ADH7: variants seen among roughly 807,000 people sequenced by gnomAD.
ADH7 encodes alcohol dehydrogenase 7 (class IV), mu or sigma polypeptide.
In ADH7, 41 loss-of-function variants were observed where a neutral mutation model predicts 34.4. The observed-to-expected ratio is 1.19, with a 90% confidence interval of 0.93 to 1.55. The LOEUF is 1.55. Ranked by LOEUF, ADH7 falls within the 40% of genes most tolerant of loss-of-function variation. The pLI, the probability that ADH7 is intolerant of heterozygous loss-of-function variation, is 0.00. For synonymous variants in ADH7, 180 were observed against 160.9 expected, an observed-to-expected ratio of 1.12 and a Z score of -0.90; for missense variants, 540 against 461.2, an observed-to-expected ratio of 1.17 and a Z score of -1.56.
At chr4:99,428,041 A>G in intron 4 of ADH7, 46 bp downstream of exon 4, 1 of 1,612,798 alleles carries the variant, frequency 6.2e-7, no homozygotes, top group Non-Finnish European at 8.5e-7. Flanking sequence ...AAAAATTAGC[A>G]TAGGAAAAAT....
intron 5 of ADH7, among the ~76,000 whole-genome samples, chr4:99,425,787 A>C (rs1232282189): frequency 6.6e-6 from 1 of 152,174 alleles, no homozygotes; most frequent in African/African-American, 2.4e-5. Flanking sequence ...CACCTATTCC[A>C]AAATTGACCA....
chr4:99,428,499 C>A lies in ADH7; in HGVS notation c.252G>T (p.Val84=). The change falls in exon 3 of 9, where the codon GTG becomes GTT. Residue 84 remains valine, a synonymous_variant. Coordinates refer to ENST00000437033, the MANE Select transcript of ADH7 (RefSeq NM_000673.7). The part of the protein sequence containing the change: ...VESIGEGVTT[V]KPGDKVIPLF... ...TTTGACACCTGCATATACCTGGTTT[C>A]ACTGTAGTCACTCCTTCTCCAATGC... The A allele has an allele frequency of 4.3e-6, 7 of 1,611,792 alleles. No homozygotes were observed. The highest frequency in any genetic ancestry group is 5.9e-6 in the Non-Finnish European group (7 of 1,179,422).
intron 1 of ADH7, 158 bp downstream of exon 1, chr4:99,435,058 A>G (rs1388743937): frequency 6.5e-7 from 1 of 1,545,204 alleles, no homozygotes; most frequent in Non-Finnish European, 8.7e-7. Context: ...CTGAAACACC[A>G]TATCCAGTGT....
At position 99,419,105 on chromosome 4, in the gene ADH7, G is replaced by A. The variant is rs367823526; in HGVS notation, c.842C>T (p.Ser281Phe). The change falls in exon 7 of 9, where the codon TCC becomes TTC. Residue 281 changes from serine (S) to phenylalanine (F), a missense_variant. Physicochemically the swap from Ser to Phe is radical, Grantham distance 155 (BLOSUM62 -2). Coordinates refer to ENST00000437033, the MANE Select transcript of ADH7 (RefSeq NM_000673.7). The stretch of plus-strand genomic sequence containing the variant: ...GCTGGTCCCATAGTTCATGTGGCAG[G>A]ATGCCAGGGCATCAATCTGAGTTTA... ...HLETMIDALASCHMNYGTSVV... is the reference protein window; with the variant it reads ...HLETMIDALAFCHMNYGTSVV... 2 of 1,613,504 alleles carry A rather than the reference G, an allele frequency of 1.2e-6. No individual in the cohort carries two copies. Among genetic ancestry groups the A allele is most frequent in the African/African-American group, 2.7e-5 (2 of 74,906 alleles).
intron 7 of ADH7, among the ~76,000 whole-genome samples, chr4:99,418,584 T>C (rs1179595570): frequency 2.0e-5 from 3 of 152,162 alleles, no homozygotes; most frequent in Non-Finnish European, 2.9e-5. Flanking sequence ...CTTTTGTTGT[T>C]GTTGTTGGTT....
chr4:99,431,041 G>C (rs566137408), intron 1 of ADH7, among the ~76,000 whole-genome samples: 11 of 152,118 alleles, frequency 7.2e-5, no homozygotes, highest in South Asian at 4.1e-4. Flanking sequence ...CTTGTTATCT[G>C]CCCTCCTCGG....
chr4:99,420,309 A>G (rs1696107397), intron 6 of ADH7, among the ~76,000 whole-genome samples: 2 of 152,168 alleles, frequency 1.3e-5, no homozygotes, highest in Admixed American at 6.5e-5. Context: ...GTCAGCTGAG[A>G]GTGGTATGAT....
intron 5 of ADH7, among the ~76,000 whole-genome samples, chr4:99,421,021 A>C (rs1721646200): frequency 6.6e-6 from 1 of 151,960 alleles, no homozygotes; most frequent in South Asian, 2.1e-4. Flanking sequence ...CAAATGGAAA[A>C]ATTCCATGCT....
Position 99,429,609 on chromosome 4 carries a change from G to A in ADH7, c.43C>T (p.Leu15Phe). ...GAGAAGGGTTGCTTCTGCTCCCAAA[G>A]CACAGCTGCTTTGCATTTAATAACC... ...GKVIKCKAAV[L>F]WEQKQPFSIE... is the part of the protein sequence containing the mutation. Residue 15 changes from leucine to phenylalanine, a missense_variant, in exon 2 of 9, where the codon CTT becomes TTT. Physicochemically the swap from Leu to Phe is conservative, Grantham distance 22. Coordinates refer to ENST00000437033, the MANE Select transcript of ADH7 (RefSeq NM_000673.7). The A allele has an allele frequency of 1.9e-6, 3 of 1,610,878 alleles. No homozygotes were observed. Among genetic ancestry groups the A allele is most frequent in the Non-Finnish European group, 2.5e-6 (3 of 1,178,380 alleles).
Position 99,428,103 on chromosome 4 carries a change from G to C in ADH7, c.331C>G (p.Leu111Val). 1.2e-6 allele frequency: 2 copies of C among 1,613,922 alleles called. No individual in the cohort carries two copies. The highest frequency in any genetic ancestry group is 1.1e-5 in the South Asian group (1 of 91,066). ...CNACRNPDGNLCIRSDITGRG... is the reference protein window; with the variant it reads ...CNACRNPDGNVCIRSDITGRG... The stretch of plus-strand genomic sequence containing the variant: ...GAAACCTACTCGCTCCTAATGCAAA[G>C]GTTGCCATCTGGGTTGCGACAAGCA... Residue 111 changes from leucine (L) to valine (V), a missense_variant, in exon 4 of 9, where the codon CTT becomes GTT. Coordinates refer to ENST00000437033, the MANE Select transcript of ADH7 (RefSeq NM_000673.7).
intron 5 of ADH7, among the ~76,000 whole-genome samples, chr4:99,422,575 T>C (rs1330047203): frequency 1.3e-5 from 2 of 152,134 alleles, no homozygotes; most frequent in Non-Finnish European, 2.9e-5. Context: ...GGCGCACGTA[T>C]ACCTGTGTAA....
chr4:99,419,202 T>A (rs776375267), intron 6 of ADH7, 81 bp from the exon 7 acceptor site: 23 of 1,436,056 alleles, frequency 1.6e-5, no homozygotes, highest in Non-Finnish European at 2.1e-5. Context: ...CTATGTACTA[T>A]GACAAAGTCA....
intron 1 of ADH7, among the ~76,000 whole-genome samples, chr4:99,433,760 T>G (rs570051973): frequency 3.3e-5 from 5 of 152,130 alleles, no homozygotes; most frequent in African/African-American, 1.2e-4. Flanking sequence ...AAACCAACCC[T>G]GATGACACCT....
In ADH7 at chr4:99,423,729, G is replaced by C. The variant is rs548853638; in HGVS notation, c.565-2936C>G. On this transcript the variant is annotated intron_variant, in intron 5 of 8. Coordinates refer to ENST00000437033, the MANE Select transcript of ADH7 (RefSeq NM_000673.7). ...TGCCCACTTTTTGATGGGGTTGTTTGTTTTTTTCTTGTAAATTTGTTTGAG... is the reference window on the plus strand; with the variant it reads ...TGCCCACTTTTTGATGGGGTTGTTTCTTTTTTTCTTGTAAATTTGTTTGAG... 1.6e-3 allele frequency among the ~76,000 whole-genome samples: 250 copies of C among 151,728 alleles called. 2 individuals are homozygous for C. Among genetic ancestry groups the C allele is most frequent in the African/African-American group, 5.9e-3 (244 of 41,436 alleles).
intron 1 of ADH7, among the ~76,000 whole-genome samples, chr4:99,433,785 CA>C (rs1205981620): frequency 6.6e-6 from 1 of 152,122 alleles, no homozygotes; most frequent in African/African-American, 2.4e-5. Context: ...CTCAGAATTG[CA>C]GCCTTCAGAT....
chr4:99,435,068 T>C, intron 1 of ADH7, 148 bp downstream of exon 1: 1 of 1,546,806 alleles, frequency 6.5e-7, no homozygotes, highest in Non-Finnish European at 8.7e-7. Flanking sequence ...ATATCCAGTG[T>C]TTCCCTCACT....
rs375803423 is a variant in ADH7, at chr4:99,429,660, G to A, written c.19-27C>T. The A allele has an allele frequency of 2.0e-6, 3 of 1,531,966 alleles. No individual in the cohort carries two copies. In the African/African-American group the frequency reaches 4.1e-5, roughly 21 times the overall value. 94.9% of individuals were successfully genotyped at this position (1,531,966 alleles called of 1,614,324 possible). ...TAAGAAATAGGCAAGTATTATAATG[G>A]GTCTGAATTATGCCTTTAACTTACA... On this transcript the variant is annotated intron_variant, in intron 1 of 8. Transcript: ENST00000437033.
intron 5 of ADH7, among the ~76,000 whole-genome samples, chr4:99,424,185 T>C (rs1480773991): frequency 2.6e-5 from 4 of 152,246 alleles, no homozygotes; most frequent in Non-Finnish European, 4.4e-5. Context: ...GATCAGATAG[T>C]TGTAGATATG....
At chr4:99,434,004 C>T (rs991316288) in intron 1 of ADH7, among the ~76,000 whole-genome samples, 3 of 152,104 alleles carry the variant, frequency 2.0e-5, no homozygotes, top group African/African-American at 7.2e-5. Context: ...AATATATAAT[C>T]CTTAGGCAAA....
Sources: gnomAD v4.1 joint callset for allele counts (sites outside exome capture counted in the v4.1 genomes callset) on GRCh38, gnomAD v4.1.1 for gene constraint, MANE v1.5 for transcripts, NCBI Gene and HGNC (gene_info 2026-07-23, HGNC 2026-07-21) for gene names.